CXADR: variants seen among roughly 807,000 people sequenced by gnomAD.
The protein encoded by CXADR is CXADR cell adhesion molecule.
CXADR carries 20 observed loss-of-function variants against 40.3 expected under a neutral mutation model. The ratio of observed to expected loss-of-function variants is 0.50; its 90% CI spans 0.35 to 0.72. The LOEUF (loss-of-function observed/expected upper bound fraction) is 0.72, where lower values mean the gene tolerates loss of function less well. Ranked by LOEUF, CXADR falls within the 30% of genes least tolerant of loss-of-function variation. CXADR has a pLI of 0.01. For missense variants in CXADR, 332 were observed against 449.1 expected (o/e 0.74, Z 2.36); for synonymous variants, 150 against 161.3 (o/e 0.93, Z 0.53).
chr21:17,543,002 C>G, intron 1 of CXADR: 1 of 353,776 alleles, frequency 2.8e-6, no homozygotes, highest in Non-Finnish European at 5.7e-6. Context: ...TTTATATGAT[C>G]TCAAGATTTT....
chr21:17,551,650 G>T, intron 2 of CXADR, 99 bp from the exon 3 acceptor site: 1 of 962,102 alleles, frequency 1.0e-6, no homozygotes. Flanking sequence ...TCTGGGAGGG[G>T]GCGTTCTGTA....
At chr21:17,528,040 G>T (rs2060619191) in intron 1 of CXADR, among the ~76,000 whole-genome samples, 1 of 143,508 alleles carries the variant, frequency 7.0e-6, no homozygotes, top group Admixed American at 7.0e-5. Context: ...TTTTACTTAG[G>T]CAGTGCTCTC....
At chr21:17,630,484 G>A in the CXADR span, among the ~76,000 whole-genome samples, 3 of 152,042 alleles carry the variant, frequency 2.0e-5, 1 homozygote, top group Admixed American at 1.3e-4. Context: ...AGTAATTCCT[G>A]GTATTTTTGG....
chr21:17,570,545 G>A (rs931392606), downstream of CXADR, among the ~76,000 whole-genome samples: 6 of 152,136 alleles, frequency 3.9e-5, no homozygotes, highest in African/African-American at 7.2e-5. Context: ...CAGAAAGGAG[G>A]AAAGGGAGCT....
chr21:17,600,776 T>C, the CXADR span, among the ~76,000 whole-genome samples: 1 of 152,224 alleles, frequency 6.6e-6, no homozygotes, highest in Non-Finnish European at 1.5e-5. Context: ...AGCTATGCTG[T>C]CTTCCATTCC....
the CXADR span, among the ~76,000 whole-genome samples, chr21:17,632,467 G>A: frequency 2.0e-5 from 3 of 152,208 alleles, no homozygotes; most frequent in Admixed American, 2.0e-4. Flanking sequence ...TTGATGTGGA[G>A]GCTCAACTCA....
In CXADR at chr21:17,568,686, C is replaced by T; in HGVS notation, c.*2994C>T. 1 of 985,124 alleles carries T rather than the reference C, an allele frequency of 1.0e-6. No homozygotes were observed. The allele number at this position is 985,124 out of a possible 1,614,324, so 61.0% of individuals were successfully genotyped here. A position where few individuals can be genotyped will look rare whatever the true frequency, so the allele number is the denominator to read the frequency against. Reference sequence around the variant, plus strand: ...GATTACAGGTGTGAGCCGCAGCATCCAGCCAGTTCTGTACTTTGAATATGG... The same window carrying T: ...GATTACAGGTGTGAGCCGCAGCATCTAGCCAGTTCTGTACTTTGAATATGG... On this transcript the variant is annotated 3_prime_UTR_variant, in exon 7 of 7. Coordinates refer to ENST00000284878, the MANE Select transcript of CXADR (RefSeq NM_001338.5).
chr21:17,518,869 A>G (rs1318192050), intron 1 of CXADR: 5 of 1,562,598 alleles, frequency 3.2e-6, no homozygotes, highest in East Asian at 4.5e-5. Context: ...CAGTTTTTTT[A>G]GAGAACTCTG....
At chr21:17,617,491 C>T in the CXADR span, among the ~76,000 whole-genome samples, 3 of 151,966 alleles carry the variant, frequency 2.0e-5, no homozygotes, top group Admixed American at 6.6e-5. Context: ...ATAGGTATTC[C>T]GGCATACCTC....
At chr21:17,513,588 T>C (rs772127800) in intron 1 of CXADR, among the ~76,000 whole-genome samples, 1 of 152,226 alleles carries the variant, frequency 6.6e-6, no homozygotes, top group Non-Finnish European at 1.5e-5. Flanking sequence ...GGCGGCGAGT[T>C]TTCAGGTGTC....
chr21:17,543,133 A>AGC (rs2060851587), intron 1 of CXADR: 5 of 243,652 alleles, frequency 2.1e-5, no homozygotes, highest in Non-Finnish European at 4.3e-5. Flanking sequence ...TATCATAAGC[A>AGC]GCATACTCAT....
intron 2 of CXADR, among the ~76,000 whole-genome samples, chr21:17,547,676 A>G (rs532200611): frequency 4.6e-5 from 7 of 152,348 alleles, no homozygotes; most frequent in African/African-American, 1.7e-4. Context: ...TAACAACTAC[A>G]TAGTATTACA....
the CXADR span, among the ~76,000 whole-genome samples, chr21:17,600,489 T>C: frequency 6.6e-6 from 1 of 152,154 alleles, no homozygotes; most frequent in Non-Finnish European, 1.5e-5. Context: ...TGGTTATCTA[T>C]TATAAAGTAA....
Position 17,558,943 on chromosome 21 carries a change from T to C in CXADR, c.416-33T>C, listed in dbSNP as rs143907762. 4,774 of 1,583,894 alleles carry C rather than the reference T, an allele frequency of 3.0e-3. 89 individuals carry two copies. The highest frequency in any genetic ancestry group is 0.029 in the South Asian group (2,453 of 84,682). Reference sequence around the variant, plus strand: ...ATTCATAAAAGTAAGTTCCATTCTCTTATGTAAATTTATAATTTGTTTTCT... The same window carrying C: ...ATTCATAAAAGTAAGTTCCATTCTCCTATGTAAATTTATAATTTGTTTTCT... On this transcript the variant is annotated intron_variant, in intron 3 of 6. Transcript: ENST00000284878.
chr21:17,514,842 T>G (rs2060439802), intron 1 of CXADR, among the ~76,000 whole-genome samples: 1 of 152,014 alleles, frequency 6.6e-6, no homozygotes, highest in African/African-American at 2.4e-5. Flanking sequence ...CAGGCTGGTC[T>G]CAAACTCCCG....
intron 7 of CXADR, among the ~76,000 whole-genome samples, chr21:17,586,030 G>T (rs1223390823): frequency 6.6e-6 from 1 of 152,152 alleles, no homozygotes. Flanking sequence ...TGCGAATATA[G>T]TATTTAGCTA....
At position 17,547,101 on chromosome 21, in the gene CXADR, C is replaced by T. The variant is rs765851963; in HGVS notation, c.118C>T (p.Pro40Ser). 1.2e-6 allele frequency: 2 copies of T among 1,613,980 alleles called. No individual in the cohort carries two copies. The highest frequency in any genetic ancestry group is 8.5e-7 in the Non-Finnish European group (1 of 1,180,032). The change falls in exon 2 of 7, where the codon CCA becomes TCA. Residue 40 changes from proline to serine, a missense_variant. Pro to Ser is a moderately conservative substitution (Grantham distance 74). This residue lies in a region of CXADR where 162 missense variants were observed against 198.5 expected (regional missense o/e 0.82). Coordinates refer to ENST00000284878, the MANE Select transcript of CXADR (RefSeq NM_001338.5). ...AGCCAAAGGGGAAACTGCCTATCTG[C>T]CATGCAAATTTACGCTTAGTCCCGA... is the stretch of plus-strand genomic sequence containing the variant. ...EKAKGETAYL[P>S]CKFTLSPEDQ... is the part of the protein sequence containing the mutation.
At chr21:17,592,012 G>A (rs1444958096) in intron 7 of CXADR, among the ~76,000 whole-genome samples, 2 of 151,860 alleles carry the variant, frequency 1.3e-5, no homozygotes, top group African/African-American at 2.4e-5. Context: ...ATGGGTAGTC[G>A]AAACACTGGC....
At chr21:17,593,389 G>C in exon 8 of CXADR, 1 of 406,046 alleles carries the variant, frequency 2.5e-6, no homozygotes. Context: ...CAAATTCTTT[G>C]TTAAAAAACC....
Sources: allele counts gnomAD v4.1 joint callset (sites outside exome capture counted in the v4.1 genomes callset), GRCh38; gene constraint gnomAD v4.1.1; regional missense constraint gnomAD v4.1.1; transcripts MANE v1.5; gene names NCBI Gene and HGNC (gene_info 2026-07-23, HGNC 2026-07-21).